The following TBCD variants were observed in gnomAD, a reference collection of about 807,000 sequenced individuals.
TBCD encodes the protein tubulin-specific chaperone D.
A neutral mutation model predicts 169.3 loss-of-function variants in TBCD; 105 were observed. That is an observed-to-expected ratio of 0.62 (90% confidence interval 0.53 to 0.73). The LOEUF (loss-of-function observed/expected upper bound fraction) is 0.73. Among genes scored for constraint, TBCD ranks in the 30% least tolerant of loss-of-function variants. The pLI is 0.00. For missense variants in TBCD, 1,444 were observed against 1,600.1 expected (o/e 0.90, Z 1.66); for synonymous variants, 700 against 643.9 (o/e 1.09, Z -1.32).
intron 9 of TBCD, among the ~76,000 whole-genome samples, chr17:82,802,990 G>A (rs544229650): frequency 1.3e-5 from 2 of 152,328 alleles, no homozygotes; most frequent in Non-Finnish European, 2.9e-5. Flanking sequence ...TTTAGTCCCC[G>A]TCTTGTGTTT....
At chr17:82,830,942 T>C in intron 13 of TBCD, 1 of 1,613,224 alleles carries the variant, frequency 6.2e-7, no homozygotes, top group Non-Finnish European at 8.5e-7. Context: ...TGAAGCAGTG[T>C]GAGCAAGTAT....
chr17:82,938,282 G>A, intron 36 of TBCD, 146 bp downstream of exon 36: 1 of 892,540 alleles, frequency 1.1e-6, no homozygotes, highest in Non-Finnish European at 1.7e-6. Context: ...CGCGTCACAG[G>A]CACGCGGCTG....
At chr17:82,912,173 T>C (rs2060690845) in intron 23 of TBCD, among the ~76,000 whole-genome samples, 1 of 152,160 alleles carries the variant, frequency 6.6e-6, no homozygotes, top group South Asian at 2.1e-4. Context: ...GGTCGTGCCC[T>C]GTGGACTGAG....
At position 82,899,324 on chromosome 17, in the gene TBCD, C is replaced by T. The variant is rs566698808; in HGVS notation, c.1650-1327C>T. 4.8e-4 allele frequency among the ~76,000 whole-genome samples: 73 copies of T among 150,880 alleles called. 1 individual carries two copies. The South Asian group carries it at 0.013, about 26-fold the overall frequency. On this transcript the variant is annotated intron_variant, in intron 17 of 38. Transcript: ENST00000355528. The stretch of plus-strand genomic sequence containing the variant: ...CCTCCGCTCACGTGTCCTCAGCGCG[C>T]GCGTCCTCAGCTCGTGTCCTCAGTG...
chr17:82,918,743 C>T (rs1000710018), intron 23 of TBCD: 2 of 152,300 alleles, frequency 1.3e-5, no homozygotes, highest in African/African-American at 2.4e-5. Flanking sequence ...CCGCGCGTGC[C>T]GTTTTTAACT....
chr17:82,907,406 G>A lies in TBCD; in HGVS notation c.1923-355G>A, dbSNP rs1568010355. 2.6e-5 allele frequency among the ~76,000 whole-genome samples: 4 copies of A among 152,336 alleles called. 1 individual carries two copies. The South Asian group carries it at 8.3e-4, about 32-fold the overall frequency. ...TTCATCTAAAATCACAAATGGGCCAGGCATAGTGGCTCACGCCTGTAATCC... is the reference window on the plus strand; with the variant it reads ...TTCATCTAAAATCACAAATGGGCCAAGCATAGTGGCTCACGCCTGTAATCC... On this transcript the variant is annotated intron_variant, in intron 20 of 38. Coordinates refer to ENST00000355528, the MANE Select transcript of TBCD (RefSeq NM_005993.5).
chr17:82,850,418 CTGTTGGCTGTG>C (rs2055674460), intron 13 of TBCD, among the ~76,000 whole-genome samples: 2 of 89,598 alleles, frequency 2.2e-5, no homozygotes, highest in African/African-American at 8.6e-5. Flanking sequence ...GTTGGCTGTG[CTGTTGGCTGTG>C]CTGTTGTTGG....
At chr17:82,926,342 T>G (rs2147248087) in intron 27 of TBCD, 58 bp from the exon 28 acceptor site, 1 of 1,556,132 alleles carries the variant, frequency 6.4e-7, no homozygotes. Flanking sequence ...GCCACCTCCC[T>G]AAAGAGTGCA....
At position 82,806,341 on chromosome 17, in the gene TBCD, T is replaced by C. The variant is rs2050960580; in HGVS notation, c.1087+330T>C. Among the ~76,000 whole-genome samples the C allele has an allele frequency of 6.6e-6, 1 of 152,000 alleles. No homozygotes were observed. Among genetic ancestry groups the C allele is most frequent in the East Asian group, 1.9e-4 (1 of 5,170 alleles). On this transcript the variant is annotated intron_variant, in intron 10 of 38. Transcript: ENST00000355528. The surrounding 1 kb of genome is among the most constrained non-coding windows in gnomAD (Gnocchi z 5.1). ...TGAGTTGGGGTCCCTGGGGCTCAGG[T>C]CTCTGGCTCCTTGGCCCCTAAACCC...
chr17:82,831,685 G>A lies in TBCD; in HGVS notation c.1318+16751G>A, dbSNP rs1455081093. On this transcript the variant is annotated intron_variant, in intron 13 of 38. Coordinates refer to ENST00000355528, the MANE Select transcript of TBCD (RefSeq NM_005993.5). This position sits in a 1 kb window ranked among gnomAD's most constrained non-coding sequence, Gnocchi z 4.6. Reference sequence around the variant, plus strand: ...CGAGCTCCCAGCCAGCAGGTAAGGCGAGTAGATGGTGGCCAGCCCGTGCTC... The same window carrying A: ...CGAGCTCCCAGCCAGCAGGTAAGGCAAGTAGATGGTGGCCAGCCCGTGCTC... 7.4e-6 allele frequency: 12 copies of A among 1,614,054 alleles called. No homozygotes were observed. The highest frequency in any genetic ancestry group is 2.2e-5 in the South Asian group (2 of 91,088).
chr17:82,797,159 C>T (rs1185688246), intron 7 of TBCD, among the ~76,000 whole-genome samples: 1 of 152,232 alleles, frequency 6.6e-6, no homozygotes, highest in African/African-American at 2.4e-5. Context: ...GTTGAGAATT[C>T]AGGAGGGCTA....
At chr17:82,942,028 G>T in intron 38 of TBCD, 1 of 277,498 alleles carries the variant, frequency 3.6e-6, no homozygotes, top group South Asian at 5.9e-5. Flanking sequence ...GGTTATATCT[G>T]AGAGGGAGGA....
At chr17:82,860,018 C>T (rs942130957) in intron 13 of TBCD, among the ~76,000 whole-genome samples, 1 of 152,174 alleles carries the variant, frequency 6.6e-6, no homozygotes, top group African/African-American at 2.4e-5. Context: ...TCCTCTGGGC[C>T]CTGCTGCTTC....
chr17:82,780,789 C>T (rs901193125), intron 6 of TBCD, among the ~76,000 whole-genome samples: 2 of 151,622 alleles, frequency 1.3e-5, no homozygotes, highest in African/African-American at 4.8e-5. Context: ...GGATTACAGG[C>T]GCACAGCACC....
At position 82,870,442 on chromosome 17, in the gene TBCD, T is replaced by C. The variant is rs114517141; in HGVS notation, c.1475+62T>C. 7,241 of 1,568,286 alleles carry C rather than the reference T, an allele frequency of 4.6e-3. 309 individuals carry two copies. In the African/African-American group the frequency reaches 0.086, roughly 19 times the overall value. Reference sequence around the variant, plus strand: ...GCCCCCTGACGGCGCCGTGTGTCGTTTCCTCCATGAGAGGTGTGCACAGCA... The same window carrying C: ...GCCCCCTGACGGCGCCGTGTGTCGTCTCCTCCATGAGAGGTGTGCACAGCA... On this transcript the variant is annotated intron_variant, in intron 14 of 38. Coordinates refer to ENST00000355528, the MANE Select transcript of TBCD (RefSeq NM_005993.5).
rs959614822 is a variant in TBCD, at chr17:82,943,807, A to G, written c.*1344A>G. On this transcript the variant is annotated 3_prime_UTR_variant, in exon 39 of 39. Transcript: ENST00000355528. ...TGGGTTACATTTTTACGAGATTTAAATATTTTATTCCAACCTGTGTAATAG... is the reference window on the plus strand; with the variant it reads ...TGGGTTACATTTTTACGAGATTTAAGTATTTTATTCCAACCTGTGTAATAG... 7 of 152,254 alleles carry G rather than the reference A, an allele frequency of 4.6e-5. No individual in the cohort carries two copies. Among genetic ancestry groups the G allele is most frequent in the African/African-American group, 1.7e-4 (7 of 41,454 alleles). 9.4% of individuals were successfully genotyped at this position (152,254 alleles called of 1,614,324 possible). A position where few individuals can be genotyped will look rare whatever the true frequency, so the allele number is the denominator to read the frequency against.
rs758167016 is a variant in TBCD, at chr17:82,927,965, G to A, written c.2670G>A (p.Gln890=). Residue 890 remains glutamine (Q), a synonymous_variant, in exon 30 of 39, where the codon CAG becomes CAA. Coordinates refer to ENST00000355528, the MANE Select transcript of TBCD (RefSeq NM_005993.5). ...MDLTLLLARS[Q]PELIEAHTCE... is the part of the protein sequence containing the mutation. ...TGACACTTCTGCTGGCTCGGAGCCA[G>A]CCTGAGCTGATCGAGGCCCATACGT... 1.2e-6 allele frequency: 2 copies of A among 1,612,440 alleles called. No individual in the cohort carries two copies. The highest frequency in any genetic ancestry group is 3.3e-5 in the Admixed American group (2 of 60,010).
At chr17:82,860,675 G>A (rs886491211) in intron 13 of TBCD, among the ~76,000 whole-genome samples, 3 of 152,160 alleles carry the variant, frequency 2.0e-5, no homozygotes, top group Non-Finnish European at 4.4e-5. Context: ...TGCCATTTGT[G>A]GGGGGTCCTT....
At position 82,930,716 on chromosome 17, in the gene TBCD, C is replaced by T. The variant is rs984808552; in HGVS notation, c.3113+73C>T. The T allele has an allele frequency of 5.7e-5, 92 of 1,601,542 alleles. No homozygotes were observed. Among genetic ancestry groups the T allele is most frequent in the Non-Finnish European group, 6.9e-5 (81 of 1,173,728 alleles). On this transcript the variant is annotated intron_variant, in intron 33 of 38. Transcript: ENST00000355528. The surrounding 1 kb of genome is among the most constrained non-coding windows in gnomAD (Gnocchi z 5.2). The stretch of plus-strand genomic sequence containing the variant: ...CTCTCACCACGTTCCCACAGATTCC[C>T]GGGGTCTCGCAGGGTCTGTCTGGGG...
Sources: gnomAD v4.1 joint callset for allele counts (sites outside exome capture counted in the v4.1 genomes callset) on GRCh38, gnomAD v4.1.1 for gene constraint, Gnocchi (gnomAD v3.1) non-coding constraint, MANE v1.5 for transcripts, NCBI Gene and HGNC (gene_info 2026-07-23, HGNC 2026-07-21) for gene names.